NOS1: variants seen among roughly 807,000 people sequenced by gnomAD.
The protein encoded by NOS1 is NOS type I.
A neutral mutation model predicts 164.5 loss-of-function variants in NOS1; 51 were observed. The observed-to-expected ratio is 0.31, with a 90% CI of 0.25 to 0.39. The LOEUF is 0.39. Ranked by LOEUF, NOS1 falls within the 10% of genes least tolerant of loss-of-function variation. The pLI is 1.00. For missense variants in NOS1, 1,362 were observed against 1,885.6 expected, an observed-to-expected ratio of 0.72 and a Z score of 5.14; for synonymous variants, 719 against 745.8, an observed-to-expected ratio of 0.96 and a Z score of 0.59.
intron 17 of NOS1, among the ~76,000 whole-genome samples, chr12:117,250,136 T>C (rs1870974138): frequency 6.6e-6 from 1 of 152,060 alleles, no homozygotes; most frequent in African/African-American, 2.4e-5. Context: ...CCCTCCATCA[T>C]TGGAGTATGA....
chr12:117,272,865 T>C lies in NOS1; in HGVS notation c.1665-306A>G, dbSNP rs545858779. 5.3e-5 allele frequency among the ~76,000 whole-genome samples: 8 copies of C among 152,266 alleles called. No homozygotes were observed. The highest frequency in any genetic ancestry group is 1.9e-4 in the African/African-American group (8 of 41,568). ...GTCCAGGAGAAAGTGTGGGGACCTC[T>C]CTCCCCCTTCCCCGACTGAGCACCC... is the stretch of plus-strand genomic sequence containing the variant. On this transcript the variant is annotated intron_variant, in intron 9 of 28. Coordinates refer to ENST00000317775, the MANE Select transcript of NOS1 (RefSeq NM_000620.5). The surrounding 1 kb of genome is among the most constrained non-coding windows in gnomAD (Gnocchi z 4.3).
intron 27 of NOS1, among the ~76,000 whole-genome samples, chr12:117,219,665 G>A (rs1956669488): frequency 6.6e-6 from 1 of 152,062 alleles, no homozygotes; most frequent in Non-Finnish European, 1.5e-5. Context: ...AGTGTGTCTA[G>A]AGGGTCACAC....
chr12:117,359,776 G>C (rs1877028120), intron 1 of NOS1, among the ~76,000 whole-genome samples: 1 of 150,368 alleles, frequency 6.7e-6, no homozygotes, highest in African/African-American at 2.4e-5. Flanking sequence ...GCAGCCTGTA[G>C]TACCCTGTGG....
intron 17 of NOS1, among the ~76,000 whole-genome samples, chr12:117,250,894 A>G (rs845820): frequency 0.55 from 83,464 of 152,040 alleles, 25,351 homozygotes; most frequent in African/African-American, 0.81. Flanking sequence ...TGCCATATTC[A>G]ATTACCGCTG....
intron 12 of NOS1, among the ~76,000 whole-genome samples, chr12:117,264,439 AT>A (rs1396420237): frequency 6.7e-6 from 1 of 149,662 alleles, no homozygotes; most frequent in Non-Finnish European, 1.5e-5. Context: ...CACTCAGCTA[AT>A]TTTCTTATTT....
chr12:117,309,399 T>C, intron 3 of NOS1: 1 of 985,258 alleles, frequency 1.0e-6, no homozygotes, highest in Non-Finnish European at 1.2e-6. Flanking sequence ...CTAGAATGTC[T>C]CATCCTCCCC....
chr12:117,301,257 A>T (rs1873794940), intron 3 of NOS1, among the ~76,000 whole-genome samples: 2 of 152,038 alleles, frequency 1.3e-5, no homozygotes, highest in Non-Finnish European at 2.9e-5. Flanking sequence ...CCTCCCAAGT[A>T]GCTGGGATTA....
At position 117,209,339 on chromosome 12, in the gene NOS1, T is replaced by C; in HGVS notation, c.*5970A>G. The C allele has an allele frequency of 1.0e-6, 1 of 968,000 alleles. No individual in the cohort carries two copies. The highest frequency in any genetic ancestry group is 1.2e-6 in the Non-Finnish European group (1 of 814,204). 60.0% of individuals were successfully genotyped at this position (968,000 alleles called of 1,614,324 possible). A position where few individuals can be genotyped will look rare whatever the true frequency, so the allele number is the denominator to read the frequency against. The stretch of plus-strand genomic sequence containing the variant: ...AGGAATGCTGCTCAGCTTCCTACAG[T>C]ACCCAAGACGGCCCCCACAAGAAAG... On this transcript the variant is annotated 3_prime_UTR_variant, in exon 29 of 29. Transcript: ENST00000317775.
At chr12:117,263,581 T>G (rs1280641622) in intron 13 of NOS1, among the ~76,000 whole-genome samples, 2 of 13,472 alleles carry the variant, frequency 1.5e-4, no homozygotes, top group African/African-American at 1.2e-4. Context: ...ATTACTATTA[T>G]TATTATTATT....
At position 117,208,702 on chromosome 12, in the gene NOS1, C is replaced by T; in HGVS notation, c.*6607G>A. On this transcript the variant is annotated 3_prime_UTR_variant, in exon 29 of 29. Coordinates refer to ENST00000317775, the MANE Select transcript of NOS1 (RefSeq NM_000620.5). ...CACAGTGTCTTATTGAAACAGACTG[C>T]CATCCTCTGTTCTGGCATGGGAGGG... The T allele has an allele frequency of 9.7e-7, 1 of 1,033,742 alleles. No individual in the cohort carries two copies. The allele number at this position is 1,033,742 out of a possible 1,614,324, so 64.0% of individuals were successfully genotyped here.
In NOS1 at chr12:117,234,860, C is replaced by T. The variant is rs1324990634; in HGVS notation, c.3042-102G>A. 2 of 977,942 alleles carry T rather than the reference C, an allele frequency of 2.0e-6. No individual in the cohort carries two copies. Among genetic ancestry groups the T allele is most frequent in the Admixed American group, 2.6e-5 (1 of 38,648 alleles). The allele number at this position is 977,942 out of a possible 1,614,324, so 60.6% of individuals were successfully genotyped here. A position where few individuals can be genotyped will look rare whatever the true frequency, so the allele number is the denominator to read the frequency against. ...TTGTTGGCTGCAATTCTCCTCCTTC[C>T]ATTCTTGTTGGGGCCCGTGCTAACC... is the stretch of plus-strand genomic sequence containing the variant. On this transcript the variant is annotated intron_variant, in intron 20 of 28. Transcript: ENST00000317775. The surrounding 1 kb of genome is among the most constrained non-coding windows in gnomAD (Gnocchi z 4.3).
At position 117,330,523 on chromosome 12, in the gene NOS1, G is replaced by A. The variant is rs1875484449; in HGVS notation, c.547C>T (p.Pro183Ser). 6.2e-7 allele frequency: 1 copy of A among 1,613,926 alleles called. No individual in the cohort carries two copies. Among genetic ancestry groups the A allele is most frequent in the Non-Finnish European group, 8.5e-7 (1 of 1,180,014 alleles). ...PHANGLAPRP[P>S]GQDPAKKATR... ...GCTTTCTTCGCGGGGTCCTGGCCTG[G>A]GGGCCTGGGGGCCAGGCCGTTGGCA... The change falls in exon 2 of 29, where the codon CCA becomes TCA. Residue 183 changes from proline to serine, a missense_variant. Pro to Ser is a moderately conservative substitution (Grantham distance 74). Coordinates refer to ENST00000317775, the MANE Select transcript of NOS1 (RefSeq NM_000620.5). The surrounding 1 kb of genome is among the most constrained non-coding windows in gnomAD (Gnocchi z 4.6).
At chr12:117,338,626 A>G (rs138672236) in intron 1 of NOS1, among the ~76,000 whole-genome samples, 2 of 151,646 alleles carry the variant, frequency 1.3e-5, no homozygotes, top group African/African-American at 2.4e-5. Flanking sequence ...TAATAAAATT[A>G]AAAAAATCTA....
chr12:117,288,276 T>C, intron 4 of NOS1, 57 bp from the exon 5 acceptor site: 4 of 1,550,544 alleles, frequency 2.6e-6, no homozygotes, highest in Non-Finnish European at 3.5e-6. Flanking sequence ...TGGCAGGTGT[T>C]AGGCTGTGGG....
At chr12:117,261,982 C>T (rs1338127044) in intron 13 of NOS1, among the ~76,000 whole-genome samples, 3 of 152,148 alleles carry the variant, frequency 2.0e-5, no homozygotes, top group Non-Finnish European at 4.4e-5. Context: ...AATACCCAGG[C>T]TCGACTCCTT....
At position 117,219,235 on chromosome 12, in the gene NOS1, C is replaced by T. The variant is rs1251658042; in HGVS notation, c.4170+840G>A. ...TGACCTCGTGATACACCTGCCTTGG[C>T]CTCCCAAAATGTTGAGATTACAGGC... On this transcript the variant is annotated intron_variant, in intron 27 of 28. Transcript: ENST00000317775. Among the ~76,000 whole-genome samples, 3 of 152,086 alleles carry T rather than the reference C, an allele frequency of 2.0e-5. No individual in the cohort carries two copies. The East Asian group carries it at 5.8e-4, about 29-fold the overall frequency.
chr12:117,350,879 C>A lies in NOS1; in HGVS notation c.-421+10633G>T, dbSNP rs150743705. 6.7e-3 allele frequency among the ~76,000 whole-genome samples: 1,018 copies of A among 152,162 alleles called. 13 individuals carry two copies. Among genetic ancestry groups the A allele is most frequent in the East Asian group, 0.035 (181 of 5,170 alleles). ...CTGTAATCCCAGCCCTTTGGGAGGCCGAGGCGGGCGGATCACGAGGTCAGG... is the reference window on the plus strand; with the variant it reads ...CTGTAATCCCAGCCCTTTGGGAGGCAGAGGCGGGCGGATCACGAGGTCAGG... On this transcript the variant is annotated intron_variant, in intron 1 of 28. Coordinates refer to ENST00000317775, the MANE Select transcript of NOS1 (RefSeq NM_000620.5).
At position 117,256,247 on chromosome 12, in the gene NOS1, A is replaced by G. The variant is rs557968734; in HGVS notation, c.2531+2150T>C. On this transcript the variant is annotated intron_variant, in intron 16 of 28. Coordinates refer to ENST00000317775, the MANE Select transcript of NOS1 (RefSeq NM_000620.5). ...ATCAAACTTATGTGAATACGGCAGC[A>G]TGTTCTCTGCACAAAGAAAATCAGA... is the stretch of plus-strand genomic sequence containing the variant. Among the ~76,000 whole-genome samples, 3 of 149,182 alleles carry G rather than the reference A, an allele frequency of 2.0e-5. No homozygotes were observed. In the East Asian group the frequency reaches 6.0e-4, roughly 30 times the overall value.
At chr12:117,281,920 C>T (rs1401824515) in intron 7 of NOS1, among the ~76,000 whole-genome samples, 2 of 151,832 alleles carry the variant, frequency 1.3e-5, no homozygotes, top group African/African-American at 4.8e-5. Context: ...ACTTTGCCCA[C>T]CCTCCTTACC....
Sources: allele counts gnomAD v4.1 joint callset (sites outside exome capture counted in the v4.1 genomes callset), GRCh38; gene constraint gnomAD v4.1.1; non-coding constraint Gnocchi (gnomAD v3.1); transcripts MANE v1.5; gene names NCBI Gene and HGNC (gene_info 2026-07-23, HGNC 2026-07-21).